PHTF2: variants seen among roughly 807,000 people sequenced by gnomAD.
The protein encoded by PHTF2 is protein PHTF2.
In PHTF2, 60 loss-of-function variants were observed where a neutral mutation model predicts 101.2. The ratio of observed to expected loss-of-function variants is 0.59; its 90% CI spans 0.48 to 0.73. The LOEUF (loss-of-function observed/expected upper bound fraction) is 0.73, where lower values mean the gene tolerates loss of function less well. Among genes scored for constraint, PHTF2 ranks in the 30% least tolerant of loss-of-function variants. The probability of loss-of-function intolerance (pLI) is 0.00; values close to 1 mark genes in which losing one functional copy is unlikely to be tolerated. For synonymous variants in PHTF2, 311 were observed against 307.3 expected (o/e 1.01, Z -0.13); for missense variants, 747 against 908.7 (o/e 0.82, Z 2.29).
intron 2 of PHTF2, among the ~76,000 whole-genome samples, chr7:77,851,112 A>G (rs187625830): frequency 6.6e-6 from 1 of 152,294 alleles, no homozygotes; most frequent in African/African-American, 2.4e-5. Flanking sequence ...TCAGAGTAAT[A>G]CTGGCCTCAT....
At chr7:77,903,085 C>T (rs1459026308) in intron 7 of PHTF2, among the ~76,000 whole-genome samples, 1 of 152,048 alleles carries the variant, frequency 6.6e-6, no homozygotes, top group East Asian at 1.9e-4. Flanking sequence ...TGAACAGCTA[C>T]ATTTTTTTTT....
At chr7:77,844,785 A>G (rs766010718) in intron 2 of PHTF2, among the ~76,000 whole-genome samples, 2 of 152,174 alleles carry the variant, frequency 1.3e-5, no homozygotes, top group Non-Finnish European at 2.9e-5. Context: ...GTAGCCTCCT[A>G]AAGTGCTGGG....
chr7:77,825,130 G>T (rs776899263), intron 1 of PHTF2, among the ~76,000 whole-genome samples: 1 of 152,020 alleles, frequency 6.6e-6, no homozygotes, highest in Non-Finnish European at 1.5e-5. Flanking sequence ...ACCAAATTAA[G>T]GAAAGAGTAG....
At chr7:77,847,296 A>G (rs981825330) in intron 2 of PHTF2, among the ~76,000 whole-genome samples, 1 of 152,186 alleles carries the variant, frequency 6.6e-6, no homozygotes, top group Non-Finnish European at 1.5e-5. Context: ...ACCATAGACA[A>G]ATGCGCTTAT....
Position 77,932,813 on chromosome 7 carries a change from C to T in PHTF2, c.1338+3486C>T, listed in dbSNP as rs1374171417. Among the ~76,000 whole-genome samples, 4 of 152,128 alleles carry T rather than the reference C, an allele frequency of 2.6e-5. No homozygotes were observed. In the East Asian group the frequency reaches 7.7e-4, roughly 29 times the overall value. On this transcript the variant is annotated intron_variant, in intron 12 of 19. Transcript: ENST00000416283. ...GTTACTATATCTGACATTTAATAAG[C>T]ATTTACTTATGCCACACACTGTGCA...
At chr7:77,798,849 G>C (rs566986780) in exon 1 of PHTF2, 1 of 152,508 alleles carries the variant, frequency 6.6e-6, no homozygotes, top group Non-Finnish European at 1.5e-5. Context: ...CAACCCTCTG[G>C]AGGCAGCGCG....
intron 3 of PHTF2, among the ~76,000 whole-genome samples, chr7:77,856,489 G>A (rs1797194146): frequency 2.6e-5 from 4 of 152,088 alleles, no homozygotes; most frequent in Middle Eastern, 6.8e-3. Flanking sequence ...CCAAGTAGCT[G>A]GGACTACAGG....
intron 1 of PHTF2, among the ~76,000 whole-genome samples, chr7:77,801,085 T>A (rs527849369): frequency 6.6e-6 from 1 of 152,338 alleles, no homozygotes; most frequent in South Asian, 2.1e-4. Flanking sequence ...ATAGGCACTG[T>A]TGGATTTTGC....
intron 14 of PHTF2, 99 bp downstream of exon 13, chr7:77,940,401 C>T: frequency 1.6e-6 from 2 of 1,283,544 alleles, no homozygotes; most frequent in South Asian, 3.1e-5. Flanking sequence ...ATCATTTTTA[C>T]CTAATTATTT....
Position 77,954,612 on chromosome 7 carries a change from G to GTGTGTATATATATA in PHTF2, c.2338-245_2338-244insGTGTATATATATAT, listed in dbSNP as rs1426693429. Among the ~76,000 whole-genome samples, 819 of 90,016 alleles carry GTGTGTATATATATA rather than the reference G, an allele frequency of 9.1e-3. 10 individuals are homozygous for GTGTGTATATATATA. The highest frequency in any genetic ancestry group is 0.016 in the South Asian group (37 of 2,296). 59.1% of individuals were successfully genotyped at this position (90,016 alleles called of 152,430 possible). A position where few individuals can be genotyped will look rare whatever the true frequency, so the allele number is the denominator to read the frequency against. On this transcript the variant is annotated intron_variant, in intron 19 of 19. Transcript: ENST00000416283. ...GATAATCATATTAAACAAGTACTGT[G>GTGTGTATATATATA]TATATATATATATATATATATATAT...
At chr7:77,882,713 T>A (rs1402079894) in intron 3 of PHTF2, among the ~76,000 whole-genome samples, 13 of 152,196 alleles carry the variant, frequency 8.5e-5, no homozygotes. Context: ...TAAAAAAAGA[T>A]TGATTCAGAA....
At chr7:77,940,378 A>C in intron 14 of PHTF2, 76 bp downstream of exon 13, 1 of 1,333,638 alleles carries the variant, frequency 7.5e-7, no homozygotes, top group Non-Finnish European at 1.0e-6. Context: ...GAAGTACTTT[A>C]TTATTTCATT....
At chr7:77,850,691 G>A (rs1438132798) in intron 2 of PHTF2, among the ~76,000 whole-genome samples, 1 of 151,456 alleles carries the variant, frequency 6.6e-6, no homozygotes, top group Admixed American at 6.6e-5. Context: ...CCCAGAATGT[G>A]GGGGCTTTGG....
chr7:77,943,637 T>A (rs1454181340), intron 16 of PHTF2, among the ~76,000 whole-genome samples: 5 of 152,148 alleles, frequency 3.3e-5, no homozygotes, highest in Non-Finnish European at 5.9e-5. Flanking sequence ...CGTATTAAAA[T>A]TTTAAAAACA....
At chr7:77,819,833 G>C (rs1229021806) in intron 1 of PHTF2, among the ~76,000 whole-genome samples, 2 of 152,126 alleles carry the variant, frequency 1.3e-5, no homozygotes, top group African/African-American at 4.8e-5. Context: ...TAAAGGTTCA[G>C]TAAAATTCAG....
rs915884055 is a variant in PHTF2 at position 77,922,937 on chromosome 7, A to C, written c.1119+159A>C. 3.0e-5 allele frequency: 41 copies of C among 1,362,516 alleles called. No individual in the cohort carries two copies. The African/African-American group carries it at 5.4e-4, about 18-fold the overall frequency. 84.4% of individuals were successfully genotyped at this position (1,362,516 alleles called of 1,614,324 possible). ...TCTGGATTTATAAAATAGCAGTTTT[A>C]GGTTTACGTATTGCACATGTATTGA... On this transcript the variant is annotated intron_variant, in intron 11 of 19. Transcript: ENST00000416283.
chr7:77,860,325 G>A (rs1235245614), intron 3 of PHTF2, among the ~76,000 whole-genome samples: 1 of 152,118 alleles, frequency 6.6e-6, no homozygotes, highest in African/African-American at 2.4e-5. Context: ...TTCTATAACT[G>A]CTACAGGCTA....
At chr7:77,850,502 C>T (rs906799784) in intron 2 of PHTF2, among the ~76,000 whole-genome samples, 1 of 150,248 alleles carries the variant, frequency 6.7e-6, no homozygotes, top group Non-Finnish European at 1.5e-5. Context: ...ATAAGCCAGG[C>T]ATGGTGGCAT....
intron 1 of PHTF2, among the ~76,000 whole-genome samples, chr7:77,818,750 A>C (rs1277864167): frequency 6.6e-6 from 1 of 152,064 alleles, no homozygotes; most frequent in Non-Finnish European, 1.5e-5. Flanking sequence ...GTAGTTCCAT[A>C]TGTATTTTGG....
Sources: allele counts gnomAD v4.1 joint callset (sites outside exome capture counted in the v4.1 genomes callset), GRCh38; gene constraint gnomAD v4.1.1; transcripts MANE v1.5; gene names NCBI Gene and HGNC (gene_info 2026-07-23, HGNC 2026-07-21).